UQCC5: variants seen among roughly 807,000 people sequenced by gnomAD.
The protein encoded by UQCC5 is ubiquinol-cytochrome c reductase complex assembly factor 5, also known as UPF0640 protein C3orf78.
the UQCC5 span, among the ~76,000 whole-genome samples, chr3:52,539,863 T>G: frequency 6.6e-6 from 1 of 152,164 alleles, no homozygotes; most frequent in African/African-American, 2.4e-5. Context: ...GGTCTCAAAC[T>G]CCTGACCTTG....
At chr3:52,540,718 C>G in the UQCC5 span, 3 of 407,338 alleles carry the variant, frequency 7.4e-6, no homozygotes, top group Non-Finnish European at 8.7e-6. Flanking sequence ...CTAAAACACT[C>G]ACTCGATGAA....
the UQCC5 span, chr3:52,536,745 C>T: frequency 1.3e-6 from 2 of 1,551,822 alleles, no homozygotes; most frequent in Admixed American, 2.0e-5. Context: ...TCTCCACGAC[C>T]TCGGTCGAGC....
At chr3:52,537,440 C>T in the UQCC5 span, among the ~76,000 whole-genome samples, 1 of 152,234 alleles carries the variant, frequency 6.6e-6, no homozygotes, top group Admixed American at 6.5e-5. Context: ...TGAGCATTAA[C>T]TCTGGACAGG....
chr3:52,538,960 T>C, the UQCC5 span, among the ~76,000 whole-genome samples: 1 of 152,130 alleles, frequency 6.6e-6, no homozygotes, highest in Non-Finnish European at 1.5e-5. Flanking sequence ...CTGGAGATAC[T>C]GGACCCTTGA....
chr3:52,537,683 G>A, the UQCC5 span, among the ~76,000 whole-genome samples: 28 of 152,062 alleles, frequency 1.8e-4, no homozygotes, highest in African/African-American at 6.5e-4. Context: ...AGCTCTAATG[G>A]GAAAGAAGAT....
At chr3:52,537,031 A>C in the UQCC5 span, 5 of 1,318,882 alleles carry the variant, frequency 3.8e-6, no homozygotes, top group Non-Finnish European at 5.2e-6. Flanking sequence ...GGGCGAGTGC[A>C]GTTCCATTCG....
At chr3:52,540,627 A>C in the UQCC5 span, 1 of 634,300 alleles carries the variant, frequency 1.6e-6, no homozygotes, top group Non-Finnish European at 2.6e-6. Context: ...CTGTTTTTGC[A>C]AAGAATTTTT....
At chr3:52,540,631 A>C in the UQCC5 span, 1 of 611,336 alleles carries the variant, frequency 1.6e-6, no homozygotes, top group South Asian at 2.4e-5. Context: ...TTTTGCAAAG[A>C]ATTTTTATAG....
At chr3:52,540,351 G>T in the UQCC5 span, 1 of 1,134,086 alleles carries the variant, frequency 8.8e-7, no homozygotes, top group Non-Finnish European at 1.2e-6. Context: ...CTAGACTATT[G>T]GTTAAATTAT....
At chr3:52,539,108 C>G in the UQCC5 span, among the ~76,000 whole-genome samples, 6 of 152,018 alleles carry the variant, frequency 3.9e-5, no homozygotes, top group African/African-American at 1.5e-4. Flanking sequence ...AGGATGATGG[C>G]TGAGGAAACA....
At chr3:52,536,920 T>C in the UQCC5 span, 2 of 1,550,990 alleles carry the variant, frequency 1.3e-6, no homozygotes, top group East Asian at 2.4e-5. Flanking sequence ...AGTGAGGGGG[T>C]AGCAGTCTCT....
chr3:52,537,560 C>A, the UQCC5 span, among the ~76,000 whole-genome samples: 1 of 152,250 alleles, frequency 6.6e-6, no homozygotes, highest in African/African-American at 2.4e-5. Context: ...AGAATTGTTA[C>A]ATTAGTGATT....
At chr3:52,540,287 T>C in the UQCC5 span, 1 of 635,784 alleles carries the variant, frequency 1.6e-6, no homozygotes, top group Non-Finnish European at 2.6e-6. Flanking sequence ...GTTTTAAGTT[T>C]ATTTTGGCAT....
At chr3:52,538,023 A>G in the UQCC5 span, among the ~76,000 whole-genome samples, 1 of 152,232 alleles carries the variant, frequency 6.6e-6, no homozygotes, top group Non-Finnish European at 1.5e-5. Flanking sequence ...CCAAGAATGG[A>G]TCCCAAGGAT....
the UQCC5 span, chr3:52,540,693 G>A: frequency 6.7e-6 from 3 of 444,722 alleles, no homozygotes; most frequent in Middle Eastern, 5.7e-4. Flanking sequence ...GCACTTGTGG[G>A]AAAATTATTT....
At chr3:52,537,990 A>T in the UQCC5 span, among the ~76,000 whole-genome samples, 1 of 152,244 alleles carries the variant, frequency 6.6e-6, no homozygotes, top group African/African-American at 2.4e-5. Flanking sequence ...GTGCCTGGGC[A>T]GGGTGGCAAA....
At chr3:52,539,095 G>A in the UQCC5 span, among the ~76,000 whole-genome samples, 2 of 152,108 alleles carry the variant, frequency 1.3e-5, no homozygotes, top group African/African-American at 4.8e-5. Context: ...GTGAAAAAGA[G>A]TCAGGATGAT....
chr3:52,537,910 C>T, the UQCC5 span, among the ~76,000 whole-genome samples: 488 of 152,216 alleles, frequency 3.2e-3, 2 homozygotes, highest in African/African-American at 0.011. Context: ...GTGGTAGGAG[C>T]ACTTGTGTGA....
At chr3:52,537,849 TGTCA>T in the UQCC5 span, among the ~76,000 whole-genome samples, 1 of 151,876 alleles carries the variant, frequency 6.6e-6, no homozygotes, top group Admixed American at 6.6e-5. Context: ...ACTGAGTAGG[TGTCA>T]GTCAGATGAG....
Sources: allele counts gnomAD v4.1 joint callset (sites outside exome capture counted in the v4.1 genomes callset), GRCh38; gene constraint gnomAD v4.1.1; transcripts MANE v1.5; gene names NCBI Gene and HGNC (gene_info 2026-07-23, HGNC 2026-07-21).